The following APMAP variants were observed in gnomAD, a reference collection of about 807,000 sequenced individuals.
APMAP encodes the protein adipocyte plasma membrane-associated protein.
In APMAP, 33 loss-of-function variants were observed where a neutral mutation model predicts 43.6. That is an observed-to-expected ratio of 0.76 (90% confidence interval 0.57 to 1.01). APMAP has a LOEUF of 1.01. APMAP is among the 50% of genes least tolerant of loss of function. The pLI is 0.00. For synonymous variants in APMAP, 224 were observed against 216.7 expected, an observed-to-expected ratio of 1.03 and a Z score of -0.30; for missense variants, 498 against 540.7, an observed-to-expected ratio of 0.92 and a Z score of 0.78.
rs2087913697 is a variant in APMAP at position 24,963,371 on chromosome 20, C to T, written c.*442G>A. 1.7e-5 allele frequency: 3 copies of T among 179,566 alleles called. No individual in the cohort carries two copies. The South Asian group carries it at 3.3e-4, about 20-fold the overall frequency. The allele number at this position is 179,566 out of a possible 1,614,324, so 11.1% of individuals were successfully genotyped here. On this transcript the variant is annotated 3_prime_UTR_variant, in exon 9 of 9. Coordinates refer to ENST00000217456, the MANE Select transcript of APMAP (RefSeq NM_020531.3). ...TCCCTCTGCTCTTCCATCCCCACCACAACGAAGAAAGGTATGACCGCACGT... is the reference window on the plus strand; with the variant it reads ...TCCCTCTGCTCTTCCATCCCCACCATAACGAAGAAAGGTATGACCGCACGT...
intron 6 of APMAP, among the ~76,000 whole-genome samples, chr20:24,969,966 C>G (rs1162240336): frequency 6.6e-6 from 1 of 152,272 alleles, no homozygotes; most frequent in Non-Finnish European, 1.5e-5. Context: ...ACTGCCTAGA[C>G]TTGCACCCTC....
chr20:24,979,897 C>G (rs976660971), intron 2 of APMAP, among the ~76,000 whole-genome samples: 2 of 152,158 alleles, frequency 1.3e-5, no homozygotes, highest in African/African-American at 4.8e-5. Context: ...GGCCTTCACA[C>G]CAGCTCTTTG....
intron 8 of APMAP, 118 bp downstream of exon 8, chr20:24,968,774 A>T: frequency 2.1e-6 from 2 of 954,978 alleles, no homozygotes; most frequent in Non-Finnish European, 3.0e-6. Context: ...TGTGTTTCTA[A>T]GTGTCATTCA....
At chr20:24,966,019 C>CA (rs2087939545) in intron 8 of APMAP, among the ~76,000 whole-genome samples, 2 of 152,200 alleles carry the variant, frequency 1.3e-5, no homozygotes, top group Admixed American at 6.5e-5. Context: ...TGTGCTTGTA[C>CA]TCCCAGCGTT....
At chr20:24,972,303 TCAC>T (rs1287423324) in intron 4 of APMAP, among the ~76,000 whole-genome samples, 1 of 148,964 alleles carries the variant, frequency 6.7e-6, no homozygotes, top group African/African-American at 2.5e-5. Context: ...TGTGGGGTGC[TCAC>T]CACAGGGGCT....
intron 2 of APMAP, among the ~76,000 whole-genome samples, chr20:24,980,142 A>T (rs1465109032): frequency 1.3e-5 from 2 of 152,148 alleles, no homozygotes; most frequent in Non-Finnish European, 2.9e-5. Flanking sequence ...TCTCTACTGT[A>T]TTCCCAGCAT....
intron 3 of APMAP, 28 bp from the exon 4 acceptor site, chr20:24,973,765 A>G (rs1469164656): frequency 6.2e-7 from 1 of 1,601,194 alleles, no homozygotes; most frequent in Non-Finnish European, 8.6e-7. Context: ...AAGGAGGAAG[A>G]GCAATGTTAG....
chr20:24,977,854 A>G (rs913169810), intron 3 of APMAP, among the ~76,000 whole-genome samples: 2 of 152,254 alleles, frequency 1.3e-5, no homozygotes, highest in African/African-American at 4.8e-5. Context: ...AAGTTCTATC[A>G]TGATATTTAC....
At chr20:24,970,399 T>G (rs1487602267) in intron 5 of APMAP, 28 bp from the exon 6 acceptor site, 2 of 1,587,990 alleles carry the variant, frequency 1.3e-6, no homozygotes, top group Non-Finnish European at 1.7e-6. Context: ...AGAAAAAGAT[T>G]GACTTGAACT....
chr20:24,991,382 C>G lies in APMAP; in HGVS notation c.95+1212G>C, dbSNP rs552387642. ...TTGCCCAGGTTTAGCACTGAAAGTT[C>G]TACATCCTTGGAAACCCCAGTCCAG... On this transcript the variant is annotated intron_variant, in intron 1 of 8. Coordinates refer to ENST00000217456, the MANE Select transcript of APMAP (RefSeq NM_020531.3). Among the ~76,000 whole-genome samples, 5 of 152,290 alleles carry G rather than the reference C, an allele frequency of 3.3e-5. No individual in the cohort carries two copies. In the East Asian group the frequency reaches 9.6e-4, roughly 29 times the overall value.
chr20:24,989,898 T>G (rs527525052), intron 1 of APMAP, among the ~76,000 whole-genome samples: 1 of 152,300 alleles, frequency 6.6e-6, no homozygotes, highest in African/African-American at 2.4e-5. Flanking sequence ...AAAAGGAAAA[T>G]GGACCTAGCA....
In APMAP at chr20:24,979,273, G is replaced by GT. The variant is rs1221093671; in HGVS notation, c.213-392dup. 2.6e-5 allele frequency among the ~76,000 whole-genome samples: 4 copies of GT among 152,260 alleles called. No individual in the cohort carries two copies. In the East Asian group the frequency reaches 5.8e-4, roughly 22 times the overall value. ...TAGGGTGGTGGGGGGCAGTGCCCAC[G>GT]TTTCACACCTGATGACCCGGCCTCG... On this transcript the variant is annotated intron_variant, in intron 2 of 8. Coordinates refer to ENST00000217456, the MANE Select transcript of APMAP (RefSeq NM_020531.3).
intron 1 of APMAP, among the ~76,000 whole-genome samples, chr20:24,989,207 G>A (rs185248403): frequency 1.1e-4 from 16 of 152,140 alleles, no homozygotes; most frequent in South Asian, 2.1e-4. Flanking sequence ...ATCCAGGAAC[G>A]CTGGCAACTT....
chr20:24,966,192 G>A (rs898335337), intron 8 of APMAP, among the ~76,000 whole-genome samples: 6 of 152,218 alleles, frequency 3.9e-5, no homozygotes, highest in African/African-American at 1.2e-4. Flanking sequence ...GCTGGAAAGT[G>A]AGGAGCTAGC....
intron 6 of APMAP, 71 bp from the exon 7 acceptor site, chr20:24,969,731 G>A (rs772567821): frequency 6.5e-7 from 1 of 1,535,704 alleles, no homozygotes; most frequent in South Asian, 1.2e-5. Context: ...TCAGGGTATG[G>A]GCCTGAAGAA....
chr20:24,984,841 C>T (rs1176244042), intron 1 of APMAP, among the ~76,000 whole-genome samples: 2 of 152,208 alleles, frequency 1.3e-5, no homozygotes, highest in Admixed American at 6.5e-5. Context: ...AAATAAACCT[C>T]ATAGGATCAT....
intron 1 of APMAP, among the ~76,000 whole-genome samples, chr20:24,986,506 G>C (rs1310180450): frequency 6.6e-6 from 1 of 152,152 alleles, no homozygotes; most frequent in East Asian, 1.9e-4. Flanking sequence ...TAATGTGACT[G>C]ACTTATACCA....
In APMAP at chr20:24,978,765, AC is replaced by A. The variant is rs754512895; in HGVS notation, c.328+1del. On this transcript the variant is annotated splice_donor_variant, in intron 3 of 8. Transcript: ENST00000217456. LOFTEE classifies it high-confidence loss of function. ...TCCCCCCCCACCCAAGCTTAGACTT[AC>A]CCCCAATATGTGCTATGGACTCCGG... The A allele has an allele frequency of 7.8e-7, 1 of 1,281,658 alleles. No individual in the cohort carries two copies. The highest frequency in any genetic ancestry group is 1.2e-5 in the South Asian group (1 of 85,206). 79.4% of individuals were successfully genotyped at this position (1,281,658 alleles called of 1,614,324 possible). A position where few individuals can be genotyped will look rare whatever the true frequency, so the allele number is the denominator to read the frequency against.
rs148091400 is a variant in APMAP at position 24,991,691 on chromosome 20, A to G, written c.95+903T>C. Among the ~76,000 whole-genome samples the G allele has an allele frequency of 1.2e-4, 19 of 152,324 alleles. No individual in the cohort carries two copies. In the East Asian group the frequency reaches 3.5e-3, roughly 28 times the overall value. ...CAGTATTTCTATCAAATATAAGTCA[A>G]TCAGTCCCACAACTTCAAGCTTGGT... On this transcript the variant is annotated intron_variant, in intron 1 of 8. Transcript: ENST00000217456.
Sources: gnomAD v4.1 joint callset for allele counts (sites outside exome capture counted in the v4.1 genomes callset) on GRCh38, gnomAD v4.1.1 for gene constraint, MANE v1.5 for transcripts, NCBI Gene and HGNC (gene_info 2026-07-23, HGNC 2026-07-21) for gene names.